WDR70: variants seen among roughly 807,000 people sequenced by gnomAD.
WDR70 encodes the protein WD repeat domain 70.
Under a neutral mutation model 88.6 loss-of-function variants are expected in WDR70, and 53 were observed. The ratio of observed to expected loss-of-function variants is 0.60; its 90% CI spans 0.48 to 0.75. The LOEUF (loss-of-function observed/expected upper bound fraction) is 0.75. Ranked by LOEUF, WDR70 falls within the 30% of genes least tolerant of loss-of-function variation. The pLI, the probability that WDR70 is intolerant of heterozygous loss-of-function variation, is 0.00. For missense variants in WDR70, 610 were observed against 823.2 expected, an observed-to-expected ratio of 0.74 and a Z score of 3.17; for synonymous variants, 280 against 270.0, an observed-to-expected ratio of 1.04 and a Z score of -0.36.
intron 5 of WDR70, among the ~76,000 whole-genome samples, chr5:37,403,810 A>G (rs1488674272): frequency 1.3e-5 from 2 of 152,074 alleles, no homozygotes; most frequent in African/African-American, 2.4e-5. Flanking sequence ...TGGTGTAATC[A>G]TAGCTCACTG....
chr5:37,483,727 G>T (rs1412928646), intron 8 of WDR70, among the ~76,000 whole-genome samples: 1 of 147,302 alleles, frequency 6.8e-6, no homozygotes, highest in African/African-American at 2.5e-5. Flanking sequence ...CCTGGAGGAG[G>T]TGCCCCCCAC....
chr5:37,440,513 T>C (rs1750621467), intron 6 of WDR70, among the ~76,000 whole-genome samples: 1 of 152,044 alleles, frequency 6.6e-6, no homozygotes, highest in African/African-American at 2.4e-5. Flanking sequence ...ACCGGGTAAT[T>C]TTTGTATTTT....
intron 5 of WDR70, among the ~76,000 whole-genome samples, chr5:37,410,051 GT>G (rs112303347): frequency 0.11 from 16,452 of 147,374 alleles, 2,903 homozygotes; most frequent in African/African-American, 0.37. Flanking sequence ...GTCCACTAGT[GT>G]TTTTTTTTTT....
chr5:37,619,862 T>A (rs1581440655), intron 10 of WDR70: 1 of 151,820 alleles, frequency 6.6e-6, no homozygotes, highest in Non-Finnish European at 1.5e-5. Context: ...AATAAAGAGC[T>A]TTGCAAGATT....
intron 9 of WDR70, among the ~76,000 whole-genome samples, chr5:37,527,696 A>G (rs993510270): frequency 2.6e-5 from 4 of 152,228 alleles, no homozygotes; most frequent in African/African-American, 9.6e-5. Context: ...TGAACAGGCA[A>G]CCTACAAAAT....
At chr5:37,707,537 C>A (rs751942788) in intron 13 of WDR70, among the ~76,000 whole-genome samples, 28 of 152,058 alleles carry the variant, frequency 1.8e-4, no homozygotes, top group Non-Finnish European at 3.7e-4. Flanking sequence ...TAACATCTAG[C>A]ATAACCTAGC....
chr5:37,746,128 A>G (rs947910718), intron 17 of WDR70, among the ~76,000 whole-genome samples: 4 of 152,182 alleles, frequency 2.6e-5, no homozygotes, highest in Admixed American at 6.5e-5. Context: ...AACTCACTCA[A>G]AAACCACACA....
At chr5:37,420,974 A>G (rs964970596) in intron 5 of WDR70, among the ~76,000 whole-genome samples, 7 of 152,196 alleles carry the variant, frequency 4.6e-5, no homozygotes, top group African/African-American at 1.7e-4. Context: ...TAGCACCAAC[A>G]GTTCAACAGT....
chr5:37,390,895 T>C (rs1296697498), intron 3 of WDR70, among the ~76,000 whole-genome samples: 1 of 151,996 alleles, frequency 6.6e-6, no homozygotes, highest in East Asian at 1.9e-4. Context: ...TTTTTATTTT[T>C]AGTAGGGATG....
intron 3 of WDR70, among the ~76,000 whole-genome samples, chr5:37,391,222 A>G (rs193193691): frequency 7.2e-5 from 11 of 152,174 alleles, no homozygotes; most frequent in Admixed American, 3.3e-4. Flanking sequence ...ATTTCGTTCA[A>G]TTCTTTTACC....
At chr5:37,604,991 T>C (rs769288224) in intron 9 of WDR70, 73 bp from the exon 10 acceptor site, 23 of 1,375,478 alleles carry the variant, frequency 1.7e-5, no homozygotes, top group Non-Finnish European at 2.2e-5. Context: ...CTTTATGGAC[T>C]CTTCCCTATT....
intron 9 of WDR70, among the ~76,000 whole-genome samples, chr5:37,541,584 A>G (rs1488180390): frequency 2.6e-5 from 4 of 152,130 alleles, no homozygotes; most frequent in African/African-American, 9.7e-5. Flanking sequence ...TTTTTTTTCC[A>G]TAGTCAGAAG....
At chr5:37,723,657 G>A (rs1747890002) in intron 15 of WDR70, 1 of 152,206 alleles carries the variant, frequency 6.6e-6, no homozygotes, top group African/African-American at 2.4e-5. Context: ...GTACTGCTGG[G>A]TTTTCTCACT....
intron 8 of WDR70, among the ~76,000 whole-genome samples, chr5:37,486,532 A>G (rs1489320078): frequency 6.6e-6 from 1 of 151,944 alleles, no homozygotes; most frequent in Admixed American, 6.6e-5. Context: ...TTTAGTAGAC[A>G]CGGGGTTTCG....
intron 9 of WDR70, among the ~76,000 whole-genome samples, chr5:37,545,664 G>C (rs1218058080): frequency 6.6e-6 from 1 of 151,822 alleles, no homozygotes; most frequent in Non-Finnish European, 1.5e-5. Flanking sequence ...TGGGATTACA[G>C]GTATGCACCA....
At position 37,479,765 on chromosome 5, in the gene WDR70, T is replaced by A. The variant is rs565015497; in HGVS notation, c.687-69T>A. 2,657 of 1,480,700 alleles carry A rather than the reference T, an allele frequency of 1.8e-3. 7 individuals are homozygous for A. Among genetic ancestry groups the A allele is most frequent in the Non-Finnish European group, 2.1e-3 (2,261 of 1,098,016 alleles). The allele number at this position is 1,480,700 out of a possible 1,614,324, so 91.7% of individuals were successfully genotyped here. A position where few individuals can be genotyped will look rare whatever the true frequency, so the allele number is the denominator to read the frequency against. On this transcript the variant is annotated intron_variant, in intron 7 of 17. Coordinates refer to ENST00000265107, the MANE Select transcript of WDR70 (RefSeq NM_018034.4). ...TGTGTAACATTTTTTTTTCTGGCAATACTTAATGTAGTAAAATTATAAACA... is the reference window on the plus strand; with the variant it reads ...TGTGTAACATTTTTTTTTCTGGCAAAACTTAATGTAGTAAAATTATAAACA...
At chr5:37,694,743 G>T (rs1013962769) in intron 10 of WDR70, among the ~76,000 whole-genome samples, 30 of 151,972 alleles carry the variant, frequency 2.0e-4, no homozygotes, top group Admixed American at 1.6e-3. Context: ...AATACCTAAT[G>T]TAAATGATGA....
chr5:37,664,367 G>A lies in WDR70; in HGVS notation c.1093-33288G>A, dbSNP rs544276720. On this transcript the variant is annotated intron_variant, in intron 10 of 17. Coordinates refer to ENST00000265107, the MANE Select transcript of WDR70 (RefSeq NM_018034.4). Reference sequence around the variant, plus strand: ...GGCTCTCCAGTTTTATCTGCTCCTGGTCTGTTATTGAGTCCTACCTATAGA... The same window carrying A: ...GGCTCTCCAGTTTTATCTGCTCCTGATCTGTTATTGAGTCCTACCTATAGA... Among the ~76,000 whole-genome samples, 12 of 152,230 alleles carry A rather than the reference G, an allele frequency of 7.9e-5. No homozygotes were observed. The South Asian group carries it at 2.1e-3, about 26-fold the overall frequency.
chr5:37,467,528 A>G (rs1739192769), intron 7 of WDR70, among the ~76,000 whole-genome samples: 1 of 115,110 alleles, frequency 8.7e-6, no homozygotes, highest in South Asian at 3.6e-4. Flanking sequence ...GGGCTTTATC[A>G]TATGAATTTT....
Sources: gnomAD v4.1 joint callset for allele counts (sites outside exome capture counted in the v4.1 genomes callset) on GRCh38, gnomAD v4.1.1 for gene constraint, MANE v1.5 for transcripts, NCBI Gene and HGNC (gene_info 2026-07-23, HGNC 2026-07-21) for gene names.